Variants in ZNF341 observed in about 807,000 individuals in gnomAD.
The protein encoded by ZNF341 is zinc finger protein 341.
ZNF341 carries 52 observed loss-of-function variants against 87.7 expected under a neutral mutation model. That is an observed-to-expected ratio of 0.59 (90% CI 0.47 to 0.75). The LOEUF (loss-of-function observed/expected upper bound fraction) is 0.75, where lower values mean the gene tolerates loss of function less well. ZNF341 is among the 30% of genes least tolerant of loss of function. ZNF341 has a pLI of 0.00. For synonymous variants in ZNF341, 459 were observed against 472.7 expected (o/e 0.97, Z 0.38); for missense variants, 977 against 1,145.9 (o/e 0.85, Z 2.13).
At chr20:33,750,635 T>A (rs6120364) in intron 4 of ZNF341, among the ~76,000 whole-genome samples, 1,009 of 77,182 alleles carry the variant, frequency 0.013, 9 homozygotes, top group African/African-American at 0.054. Flanking sequence ...TGGCTAATTT[T>A]AAAAAAAAAT....
At chr20:33,742,695 G>A (rs142691779) in intron 2 of ZNF341, among the ~76,000 whole-genome samples, 31 of 150,860 alleles carry the variant, frequency 2.1e-4, no homozygotes, top group Non-Finnish European at 4.0e-4. Context: ...GAACTCCTGA[G>A]CTCAAGCAAT....
intron 10 of ZNF341, among the ~76,000 whole-genome samples, chr20:33,775,295 C>T (rs529762721): frequency 4.2e-4 from 63 of 149,818 alleles, no homozygotes; most frequent in African/African-American, 1.4e-3. Context: ...CTACAACCTT[C>T]GCCTCCCAGG....
chr20:33,780,382 G>C (rs1294270603), intron 10 of ZNF341, among the ~76,000 whole-genome samples: 4 of 152,054 alleles, frequency 2.6e-5, no homozygotes, highest in Non-Finnish European at 5.9e-5. Context: ...GTTAAGCAAT[G>C]GTGTGGCATG....
chr20:33,745,034 C>T, intron 2 of ZNF341, 69 bp from the exon 3 acceptor site: 1 of 1,447,032 alleles, frequency 6.9e-7, no homozygotes, highest in Non-Finnish European at 9.5e-7. Flanking sequence ...TTGACATAGT[C>T]TTGCTTTTTT....
chr20:33,779,202 GAGCAGGAGCC>G (rs1215216237), intron 10 of ZNF341, among the ~76,000 whole-genome samples: 1 of 152,090 alleles, frequency 6.6e-6, no homozygotes, highest in Non-Finnish European at 1.5e-5. Context: ...CACATGGCCA[GAGCAGGAGCC>G]AGATAGAGAG....
chr20:33,766,784 A>G, intron 8 of ZNF341, 67 bp from the exon 9 acceptor site: 1 of 1,497,940 alleles, frequency 6.7e-7, no homozygotes, highest in Non-Finnish European at 9.0e-7. Context: ...AGCACGGAGT[A>G]GGGGTTCTGT....
chr20:33,791,057 A>G lies in ZNF341; in HGVS notation c.2105A>G (p.Gln702Arg), dbSNP rs35927622. 6.2e-7 allele frequency: 1 copy of G among 1,613,472 alleles called. No individual in the cohort carries two copies. The highest frequency in any genetic ancestry group is 8.5e-7 in the Non-Finnish European group (1 of 1,180,010). Reference sequence around the variant, plus strand: ...CGCCGTGCCCACCTCGCCGAGCATCAGCGCGCCCACACGGGCAACTACAAG... The same window carrying G: ...CGCCGTGCCCACCTCGCCGAGCATCGGCGCGCCCACACGGGCAACTACAAG... ...FSRRAHLAEH[Q>R]RAHTGNYKFR... Residue 702 changes from glutamine to arginine, a missense_variant, in exon 15 of 15, where the codon CAG becomes CGG. By Grantham distance (43) the Gln-to-Arg change is conservative (BLOSUM62 1). Transcript: ENST00000375200.
chr20:33,770,710 G>C (rs1251748225), intron 10 of ZNF341, among the ~76,000 whole-genome samples: 1 of 152,118 alleles, frequency 6.6e-6, no homozygotes, highest in Non-Finnish European at 1.5e-5. Context: ...GCAGGGTGTG[G>C]CGGCCCACAT....
intron 12 of ZNF341, chr20:33,787,728 G>C (rs906913923): frequency 6.6e-6 from 1 of 152,250 alleles, no homozygotes; most frequent in Non-Finnish European, 1.5e-5. Context: ...CATAGGGGTA[G>C]CCCCTGAGCC....
chr20:33,787,003 A>G (rs1380441874), intron 12 of ZNF341: 2 of 151,940 alleles, frequency 1.3e-5, no homozygotes, highest in South Asian at 2.1e-4. Flanking sequence ...ACGAAACAAA[A>G]CAAAACAAAA....
At chr20:33,752,932 G>A (rs1416599647) in intron 4 of ZNF341, among the ~76,000 whole-genome samples, 1 of 152,162 alleles carries the variant, frequency 6.6e-6, no homozygotes, top group Admixed American at 6.6e-5. Flanking sequence ...ACAGGCGTGA[G>A]CCACTGCGCC....
intron 13 of ZNF341, 67 bp from the exon 14 acceptor site, chr20:33,789,451 G>C: frequency 1.3e-6 from 2 of 1,553,422 alleles, no homozygotes; most frequent in Non-Finnish European, 1.8e-6. Context: ...CCCAGGGCTA[G>C]TGGAGGGGCC....
At chr20:33,737,309 T>C (rs1251148020) in intron 1 of ZNF341, among the ~76,000 whole-genome samples, 1 of 151,924 alleles carries the variant, frequency 6.6e-6, no homozygotes, top group Non-Finnish European at 1.5e-5. Context: ...TTATTTTTAT[T>C]TATTTATTTA....
At chr20:33,757,005 T>G (rs1601253042) in intron 5 of ZNF341, 143 bp from the exon 6 acceptor site, 244 of 611,976 alleles carry the variant, frequency 4.0e-4, no homozygotes, top group Admixed American at 1.4e-3. Context: ...GTGGCTTGGG[T>G]GACCGGGCCA....
chr20:33,739,988 C>A (rs1183651995), intron 1 of ZNF341, among the ~76,000 whole-genome samples: 1 of 152,146 alleles, frequency 6.6e-6, no homozygotes, highest in Non-Finnish European at 1.5e-5. Context: ...CCTCAGTCTC[C>A]CAAGTAGTTG....
At chr20:33,752,624 A>C (rs905613557) in intron 4 of ZNF341, 2 of 253,272 alleles carry the variant, frequency 7.9e-6, no homozygotes, top group African/African-American at 4.7e-5. Flanking sequence ...TTCTGCATGA[A>C]TGAGGTCATT....
intron 6 of ZNF341, 150 bp from the exon 7 acceptor site, chr20:33,758,566 C>G (rs1378010738): frequency 9.9e-6 from 6 of 606,312 alleles, no homozygotes; most frequent in Non-Finnish European, 1.7e-5. Flanking sequence ...CCCTGTGAAG[C>G]TCTCCCATGT....
chr20:33,772,010 TAAAAAA>T (rs57345366), intron 10 of ZNF341, among the ~76,000 whole-genome samples: 3 of 56,166 alleles, frequency 5.3e-5, no homozygotes, highest in Non-Finnish European at 9.4e-5. Flanking sequence ...ACGCTTGTCT[TAAAAAA>T]AAAAAAAAAA....
chr20:33,784,076 CTCCTCCTCCCCATCTCCT>C (rs1260183543), intron 12 of ZNF341, among the ~76,000 whole-genome samples: 104 of 124,584 alleles, frequency 8.3e-4, no homozygotes, highest in Non-Finnish European at 1.2e-3. Context: ...CCCCATCTCC[CTCCTCCTCCCCATCTCCT>C]TCCTCCTCCC....
Sources: allele counts gnomAD v4.1 joint callset (sites outside exome capture counted in the v4.1 genomes callset), GRCh38; gene constraint gnomAD v4.1.1; transcripts MANE v1.5; gene names NCBI Gene and HGNC (gene_info 2026-07-23, HGNC 2026-07-21).